Variants in SLC36A1 observed in about 807,000 individuals in gnomAD.
SLC36A1 encodes proton-coupled amino acid transporter 1.
In SLC36A1, 30 loss-of-function variants were observed where a neutral mutation model predicts 47.5. The observed-to-expected ratio is 0.63, with a 90% confidence interval of 0.47 to 0.86. The LOEUF (loss-of-function observed/expected upper bound fraction) is 0.86. SLC36A1 is among the 40% of genes least tolerant of loss of function. The pLI, the probability that SLC36A1 is intolerant of heterozygous loss-of-function variation, is 0.00. For missense variants in SLC36A1, 517 were observed against 606.0 expected, an observed-to-expected ratio of 0.85 and a Z score of 1.54; for synonymous variants, 255 against 249.7, an observed-to-expected ratio of 1.02 and a Z score of -0.20.
the SLC36A1 span, among the ~76,000 whole-genome samples, chr5:151,502,908 C>T: frequency 6.8e-6 from 1 of 148,000 alleles, no homozygotes; most frequent in Non-Finnish European, 1.5e-5. Flanking sequence ...TTATTCGGCA[C>T]TACAAAGAAA....
the SLC36A1 span, chr5:151,542,204 C>T: frequency 2.9e-6 from 4 of 1,393,910 alleles, no homozygotes; most frequent in Non-Finnish European, 3.9e-6. Context: ...AAATCCAGGA[C>T]ATGAACCCAT....
At chr5:151,548,724 G>C in the SLC36A1 span, among the ~76,000 whole-genome samples, 1 of 152,036 alleles carries the variant, frequency 6.6e-6, no homozygotes, top group East Asian at 1.9e-4. Context: ...CAGGTGATCC[G>C]CCCGCCTCGG....
the SLC36A1 span, chr5:151,507,615 C>T: frequency 1.7e-4 from 255 of 1,494,776 alleles, no homozygotes; most frequent in East Asian, 6.0e-3. Flanking sequence ...TTCACACCTG[C>T]GGAGACAGAG....
intron 10 of SLC36A1, among the ~76,000 whole-genome samples, chr5:151,485,935 C>T (rs1759456200): frequency 6.6e-6 from 1 of 152,148 alleles, no homozygotes; most frequent in African/African-American, 2.4e-5. Context: ...ATGTAAATAG[C>T]CGTCCGTGGC....
the SLC36A1 span, among the ~76,000 whole-genome samples, chr5:151,374,906 G>A: frequency 1.7e-5 from 2 of 115,160 alleles, no homozygotes; most frequent in East Asian, 4.7e-4. Context: ...TATTAATGTT[G>A]GGGTTTTTTT....
At chr5:151,423,569 G>T in the SLC36A1 span, among the ~76,000 whole-genome samples, 3 of 152,186 alleles carry the variant, frequency 2.0e-5, no homozygotes, top group African/African-American at 7.2e-5. Flanking sequence ...TCAACTATAT[G>T]ACACTCCGGA....
upstream of SLC36A1, among the ~76,000 whole-genome samples, chr5:151,442,836 C>A (rs945463051): frequency 6.6e-6 from 1 of 151,918 alleles, no homozygotes; most frequent in Non-Finnish European, 1.5e-5. Flanking sequence ...CTGTTTGATT[C>A]TCTATCTCTG....
At chr5:151,447,457 G>C (rs944562797), upstream of SLC36A1, 3 of 152,302 alleles carry the variant, frequency 2.0e-5, no homozygotes, top group African/African-American at 7.2e-5. Flanking sequence ...CCAGCGCCCA[G>C]GAACATAGTC....
chr5:151,505,702 C>T, the SLC36A1 span: 1,557 of 1,614,056 alleles, frequency 9.6e-4, 1 homozygote, highest in Non-Finnish European at 1.1e-3. Flanking sequence ...GAGGGCCCAG[C>T]TCGGCTGAGG....
chr5:151,429,678 G>A, the SLC36A1 span, among the ~76,000 whole-genome samples: 1 of 152,076 alleles, frequency 6.6e-6, no homozygotes. Flanking sequence ...TATAGGAATA[G>A]CAAAACTGGG....
At chr5:151,378,140 GA>G in the SLC36A1 span, 25 of 321,226 alleles carry the variant, frequency 7.8e-5, no homozygotes, top group South Asian at 2.0e-4. Flanking sequence ...CTCCATGCAA[GA>G]AAAAGGTGAA....
At chr5:151,507,723 G>A in the SLC36A1 span, 9,524 of 966,602 alleles carry the variant, frequency 9.9e-3, 563 homozygotes, top group African/African-American at 0.13. Context: ...ACCATCTCCC[G>A]TTTTTCACCC....
chr5:151,531,582 C>T, the SLC36A1 span: 3 of 1,612,006 alleles, frequency 1.9e-6, no homozygotes, highest in Non-Finnish European at 2.5e-6. The surrounding 1 kb of genome is among the most constrained non-coding windows in gnomAD (Gnocchi z 5.7). Context: ...GGATCAGGCT[C>T]TCACCTGTGC....
At chr5:151,525,956 G>A in the SLC36A1 span, 2 of 1,614,010 alleles carry the variant, frequency 1.2e-6, no homozygotes, top group African/African-American at 1.3e-5. Flanking sequence ...CTGCCAATGG[G>A]GGAGTTCTCC....
At chr5:151,507,205 G>A in the SLC36A1 span, 30 of 1,610,958 alleles carry the variant, frequency 1.9e-5, no homozygotes, top group Non-Finnish European at 2.5e-5. Flanking sequence ...TTGTCAGAGT[G>A]GGAAGGGACC....
chr5:151,549,860 G>A, the SLC36A1 span, among the ~76,000 whole-genome samples: 1 of 152,180 alleles, frequency 6.6e-6, no homozygotes, highest in African/African-American at 2.4e-5. Context: ...AATTTGGGGA[G>A]CACTGAATTA....
upstream of SLC36A1, among the ~76,000 whole-genome samples, chr5:151,433,246 A>ATATATT (rs1373752525): frequency 3.7e-4 from 4 of 10,676 alleles, no homozygotes; most frequent in Non-Finnish European, 7.6e-4. Context: ...ATATATATAT[A>ATATATT]TATATATATA....
chr5:151,554,648 G>T, the SLC36A1 span: 696 of 1,613,850 alleles, frequency 4.3e-4, 2 homozygotes, highest in African/African-American at 7.8e-3. Context: ...CTTCAGTGAG[G>T]GTTCCCCATT....
chr5:151,361,013 T>A, the SLC36A1 span, among the ~76,000 whole-genome samples: 1 of 152,248 alleles, frequency 6.6e-6, no homozygotes. Flanking sequence ...GGTGCAAAAG[T>A]AATCATGGTT....
Sources: gnomAD v4.1 joint callset for allele counts (sites outside exome capture counted in the v4.1 genomes callset) on GRCh38, gnomAD v4.1.1 for gene constraint, Gnocchi (gnomAD v3.1) non-coding constraint, MANE v1.5 for transcripts, NCBI Gene and HGNC (gene_info 2026-07-23, HGNC 2026-07-21) for gene names.